Variants in CLASP1 observed in about 807,000 individuals in gnomAD.
The protein encoded by CLASP1 is CLIP-associating protein 1.
CLASP1 carries 38 observed loss-of-function variants against 192.3 expected under a neutral mutation model. The observed-to-expected ratio is 0.20, with a 90% CI of 0.15 to 0.26. The LOEUF (loss-of-function observed/expected upper bound fraction) is 0.26, where lower values mean the gene tolerates loss of function less well. Ranked by LOEUF, CLASP1 falls within the 10% of genes least tolerant of loss-of-function variation. The pLI is 1.00. For synonymous variants in CLASP1, 691 were observed against 712.8 expected (o/e 0.97, Z 0.49); for missense variants, 1,433 against 1,932.5 (o/e 0.74, Z 4.85).
chr2:121,437,743 G>C (rs975951583), intron 19 of CLASP1, among the ~76,000 whole-genome samples: 1 of 152,158 alleles, frequency 6.6e-6, no homozygotes, highest in Admixed American at 6.5e-5. Context: ...AAATAGGCTT[G>C]GGCTTTCTGT....
At chr2:121,449,165 C>T in intron 16 of CLASP1, 45 bp from the exon 17 acceptor site, 2 of 1,581,362 alleles carry the variant, frequency 1.3e-6, no homozygotes, top group Non-Finnish European at 1.7e-6. Context: ...AGGATCCAAA[C>T]AGGTCTTTTG....
At chr2:121,461,541 T>C (rs1485236475) in intron 10 of CLASP1, among the ~76,000 whole-genome samples, 3 of 152,190 alleles carry the variant, frequency 2.0e-5, no homozygotes, top group Non-Finnish European at 4.4e-5. Context: ...ACACTATACC[T>C]ATAAATTTAA....
Position 121,577,406 on chromosome 2 carries a change from C to T in CLASP1, c.195+28295G>A, listed in dbSNP as rs138824033. Among the ~76,000 whole-genome samples, 41 of 152,208 alleles carry T rather than the reference C, an allele frequency of 2.7e-4. No individual in the cohort carries two copies. In the East Asian group the frequency reaches 7.7e-3, roughly 29 times the overall value. On this transcript the variant is annotated intron_variant, in intron 2 of 39. Coordinates refer to ENST00000263710, the Ensembl canonical transcript of CLASP1. ...GAATCCTATGAGGCCATAAAAATGA[C>T]CATATTTCAACAAGAAAACCTATCT...
chr2:121,530,916 G>GT (rs1559533713), intron 2 of CLASP1: 2 of 699,520 alleles, frequency 2.9e-6, no homozygotes, highest in Non-Finnish European at 5.2e-6. Flanking sequence ...ACTGTCCAAT[G>GT]AGCGCATAGT....
At chr2:121,429,171 C>G (rs1235508507) in intron 20 of CLASP1, among the ~76,000 whole-genome samples, 1 of 152,168 alleles carries the variant, frequency 6.6e-6, no homozygotes, top group African/African-American at 2.4e-5. Flanking sequence ...AGGTGTTGAA[C>G]AAGGCCATTT....
chr2:121,385,402 G>A (rs779025911), intron 32 of CLASP1, among the ~76,000 whole-genome samples: 2 of 152,150 alleles, frequency 1.3e-5, no homozygotes, highest in Non-Finnish European at 1.5e-5. Context: ...ATGAACTACT[G>A]AATATTGAAA....
exon 3 of CLASP1, chr2:121,530,305 G>T: frequency 6.4e-7 from 1 of 1,551,768 alleles, no homozygotes; most frequent in Non-Finnish European, 8.7e-7. Context: ...CGGACAGGAT[G>T]TCCATGCCCA....
intron 8 of CLASP1, among the ~76,000 whole-genome samples, chr2:121,502,440 G>A (rs185778530): frequency 1.2e-3 from 180 of 152,276 alleles, no homozygotes; most frequent in African/African-American, 4.2e-3. Context: ...CAGTGATACT[G>A]TATGAAGTGA....
chr2:121,515,353 T>C (rs1285923051), intron 7 of CLASP1, among the ~76,000 whole-genome samples: 1 of 152,222 alleles, frequency 6.6e-6, no homozygotes, highest in African/African-American at 2.4e-5. Context: ...CAGATATAGA[T>C]ACAGAATCAT....
At chr2:121,409,135 T>G in intron 24 of CLASP1, 1 of 1,118,662 alleles carries the variant, frequency 8.9e-7, no homozygotes. Flanking sequence ...GCAACAAAAG[T>G]GTACAGCAAA....
intron 2 of CLASP1, among the ~76,000 whole-genome samples, chr2:121,560,924 G>T (rs2059025383): frequency 6.6e-6 from 1 of 152,026 alleles, no homozygotes; most frequent in African/African-American, 2.4e-5. Flanking sequence ...TTGTTTGTTT[G>T]TTTTTTGTGT....
At chr2:121,348,518 C>T (rs1318789990) in exon 38 of CLASP1, 3 of 1,608,172 alleles carry the variant, frequency 1.9e-6, no homozygotes, top group Non-Finnish European at 2.5e-6. Flanking sequence ...CTACCTGCAG[C>T]AAGCCTGGGA....
At chr2:121,366,096 C>A (rs1228644995) in intron 35 of CLASP1, among the ~76,000 whole-genome samples, 2 of 152,208 alleles carry the variant, frequency 1.3e-5, no homozygotes, top group African/African-American at 4.8e-5. Context: ...ACAAGAAAGT[C>A]TGAAATGGTA....
chr2:121,549,726 C>T (rs1392839844), intron 2 of CLASP1, among the ~76,000 whole-genome samples: 2 of 106,796 alleles, frequency 1.9e-5, no homozygotes, highest in African/African-American at 1.2e-4. Flanking sequence ...AAAAAAAAGG[C>T]CTGGCGTGGT....
chr2:121,470,165 A>G, intron 8 of CLASP1: 1 of 641,276 alleles, frequency 1.6e-6, no homozygotes. Context: ...TTGCTTTCAC[A>G]TACCCAGAAT....
chr2:121,363,309 C>G lies in CLASP1; in HGVS notation c.4078-9G>C. On this transcript the variant is annotated splice_polypyrimidine_tract_variant and intron_variant, in intron 36 of 39. Coordinates refer to ENST00000263710, the Ensembl canonical transcript of CLASP1. ...AGTGCTCGAATTGAATGCTAGAATA[C>G]AAAGGGAAAGGAAGACATCACCAAA... 2 of 1,613,314 alleles carry G rather than the reference C, an allele frequency of 1.2e-6. No individual in the cohort carries two copies. The highest frequency in any genetic ancestry group is 1.3e-5 in the African/African-American group (1 of 75,034).
chr2:121,414,739 C>T (rs191025079), intron 23 of CLASP1, among the ~76,000 whole-genome samples: 2 of 152,238 alleles, frequency 1.3e-5, no homozygotes, highest in Admixed American at 1.3e-4. Context: ...TCCATTTTCC[C>T]CAGTCAAAAT....
At chr2:121,440,428 A>G (rs2083111164) in intron 19 of CLASP1, among the ~76,000 whole-genome samples, 2 of 152,248 alleles carry the variant, frequency 1.3e-5, no homozygotes. Flanking sequence ...GGCTGGGCAC[A>G]GTGGCTCACG....
At position 121,416,022 on chromosome 2, in the gene CLASP1, G is replaced by A. The variant is rs146148850; in HGVS notation, c.2320+2600C>T. Reference sequence around the variant, plus strand: ...ATCACTTTCCCTAAATAAGGAAGTTGGTAAAATATCTTAAGACTGAAGCAA... The same window carrying A: ...ATCACTTTCCCTAAATAAGGAAGTTAGTAAAATATCTTAAGACTGAAGCAA... On this transcript the variant is annotated intron_variant, in intron 23 of 39. Coordinates refer to ENST00000263710, the Ensembl canonical transcript of CLASP1. Among the ~76,000 whole-genome samples, 326 of 152,272 alleles carry A rather than the reference G, an allele frequency of 2.1e-3. 1 individual carries two copies. The highest frequency in any genetic ancestry group is 7.5e-3 in the African/African-American group (313 of 41,556).
Sources: gnomAD v4.1 joint callset for allele counts (sites outside exome capture counted in the v4.1 genomes callset) on GRCh38, gnomAD v4.1.1 for gene constraint, MANE v1.5 for transcripts, NCBI Gene and HGNC (gene_info 2026-07-23, HGNC 2026-07-21) for gene names.